CFAP95: variants seen among roughly 807,000 people sequenced by gnomAD.
The protein encoded by CFAP95 is cilia- and flagella-associated protein 95.
the CFAP95 span, among the ~76,000 whole-genome samples, chr9:69,859,718 AGGTGATTTCATGG>A: frequency 3.3e-5 from 5 of 152,182 alleles, no homozygotes; most frequent in South Asian, 1.0e-3. Context: ...ATGTGTTGTT[AGGTGATTTCATGG>A]TTGTGTGAAC....
At chr9:69,885,547 A>T in the CFAP95 span, among the ~76,000 whole-genome samples, 1 of 151,970 alleles carries the variant, frequency 6.6e-6, no homozygotes, top group Non-Finnish European at 1.5e-5. Context: ...TCAGTTTATG[A>T]TTTCCCATTA....
the CFAP95 span, among the ~76,000 whole-genome samples, chr9:69,867,000 A>G: frequency 6.6e-6 from 1 of 152,132 alleles, no homozygotes; most frequent in African/African-American, 2.4e-5. Flanking sequence ...TTAATTGCGG[A>G]GTCAACCTAA....
At chr9:69,844,401 A>C in the CFAP95 span, 40 of 579,470 alleles carry the variant, frequency 6.9e-5, no homozygotes, top group Non-Finnish European at 1.2e-4. Flanking sequence ...AATCTAATAA[A>C]TTTATACTTA....
At chr9:69,892,267 CTG>C in the CFAP95 span, among the ~76,000 whole-genome samples, 2 of 152,144 alleles carry the variant, frequency 1.3e-5, no homozygotes, top group Non-Finnish European at 2.9e-5. Flanking sequence ...ACTCTGCGTT[CTG>C]TGTCTGATGG....
the CFAP95 span, chr9:69,857,837 G>A: frequency 6.8e-7 from 1 of 1,464,842 alleles, no homozygotes; most frequent in Non-Finnish European, 9.5e-7. Flanking sequence ...CCCTAAATTA[G>A]TTTTACATGG....
the CFAP95 span, among the ~76,000 whole-genome samples, chr9:69,903,867 C>T: frequency 6.6e-6 from 1 of 152,186 alleles, no homozygotes; most frequent in South Asian, 2.1e-4. Context: ...GCTGGGACTA[C>T]AAGAACGTGT....
chr9:69,898,634 A>G, the CFAP95 span, among the ~76,000 whole-genome samples: 1 of 152,110 alleles, frequency 6.6e-6, no homozygotes, highest in Non-Finnish European at 1.5e-5. Context: ...ACAGTTTTCA[A>G]TTTCAGGAAA....
the CFAP95 span, among the ~76,000 whole-genome samples, chr9:69,881,924 G>A: frequency 5.5e-4 from 82 of 149,970 alleles, no homozygotes; most frequent in African/African-American, 1.9e-3. Flanking sequence ...TGTGGCTATC[G>A]TAAATGGGAT....
At chr9:69,886,074 G>C in the CFAP95 span, among the ~76,000 whole-genome samples, 2 of 152,318 alleles carry the variant, frequency 1.3e-5, no homozygotes, top group Non-Finnish European at 2.9e-5. Context: ...GCTTCATCCA[G>C]TTCAGGACAT....
At chr9:69,903,106 G>T in the CFAP95 span, among the ~76,000 whole-genome samples, 1 of 152,136 alleles carries the variant, frequency 6.6e-6, no homozygotes, top group Non-Finnish European at 1.5e-5. Flanking sequence ...ATATAGTAAT[G>T]CTATTGTGTT....
chr9:69,834,921 T>G, the CFAP95 span, among the ~76,000 whole-genome samples: 1 of 152,372 alleles, frequency 6.6e-6, no homozygotes, highest in East Asian at 1.9e-4. Flanking sequence ...CCTGAAAGTC[T>G]TCATTTATCA....
chr9:69,900,764 T>G, the CFAP95 span, among the ~76,000 whole-genome samples: 74 of 152,198 alleles, frequency 4.9e-4, no homozygotes, highest in Non-Finnish European at 1.0e-3. Flanking sequence ...TTGATGAGTC[T>G]TAGTGGTTCC....
At chr9:69,905,145 T>A in the CFAP95 span, among the ~76,000 whole-genome samples, 3 of 152,296 alleles carry the variant, frequency 2.0e-5, no homozygotes, top group Admixed American at 1.3e-4. Context: ...ACTATTAAGG[T>A]TGAATATATG....
At chr9:69,830,305 T>C in the CFAP95 span, among the ~76,000 whole-genome samples, 5 of 152,178 alleles carry the variant, frequency 3.3e-5, no homozygotes, top group Non-Finnish European at 7.3e-5. Context: ...GGAAATATGG[T>C]AGCTCTCCAA....
At chr9:69,847,279 C>T in the CFAP95 span, among the ~76,000 whole-genome samples, 3 of 152,278 alleles carry the variant, frequency 2.0e-5, no homozygotes, top group South Asian at 6.2e-4. Flanking sequence ...ATTAAAAGTG[C>T]TTCATTTCAT....
the CFAP95 span, among the ~76,000 whole-genome samples, chr9:69,852,223 T>C: frequency 6.6e-6 from 1 of 152,046 alleles, no homozygotes; most frequent in Non-Finnish European, 1.5e-5. Flanking sequence ...GAATGCTGCT[T>C]AACAGGCTAA....
the CFAP95 span, among the ~76,000 whole-genome samples, chr9:69,899,693 G>A: frequency 6.6e-6 from 1 of 152,202 alleles, no homozygotes; most frequent in Admixed American, 6.5e-5. Flanking sequence ...GTTTTATGCT[G>A]AACACCTGTT....
chr9:69,863,094 T>C, the CFAP95 span, among the ~76,000 whole-genome samples: 1 of 152,184 alleles, frequency 6.6e-6, no homozygotes, highest in Non-Finnish European at 1.5e-5. Flanking sequence ...AAAAATGAAA[T>C]TTATAGACTT....
chr9:69,873,575 T>G, the CFAP95 span, among the ~76,000 whole-genome samples: 182 of 152,280 alleles, frequency 1.2e-3, no homozygotes, highest in Middle Eastern at 3.4e-3. Flanking sequence ...TGTGGCTATA[T>G]TTATCTTAAG....
Sources: allele counts gnomAD v4.1 joint callset (sites outside exome capture counted in the v4.1 genomes callset), GRCh38; gene constraint gnomAD v4.1.1; transcripts MANE v1.5; gene names NCBI Gene and HGNC (gene_info 2026-07-23, HGNC 2026-07-21).